RASGRF1: variants seen among roughly 807,000 people sequenced by gnomAD.
The protein encoded by RASGRF1 is Ras protein specific guanine nucleotide releasing factor 1.
In RASGRF1, 40 loss-of-function variants were observed where a neutral mutation model predicts 138.7. The ratio of observed to expected loss-of-function variants is 0.29; its 90% confidence interval spans 0.22 to 0.38. RASGRF1 has a LOEUF of 0.38. RASGRF1 is among the 10% of genes least tolerant of loss of function. RASGRF1 has a pLI of 1.00. For missense variants in RASGRF1, 1,108 were observed against 1,650.4 expected, an observed-to-expected ratio of 0.67 and a Z score of 5.69; for synonymous variants, 614 against 663.2, an observed-to-expected ratio of 0.93 and a Z score of 1.14.
chr15:78,979,237 AG>A, intron 24 of RASGRF1: 1 of 1,209,620 alleles, frequency 8.3e-7, no homozygotes, highest in Non-Finnish European at 1.1e-6. Flanking sequence ...GAGATGGTCA[AG>A]GCGATGGCAC....
intron 3 of RASGRF1, among the ~76,000 whole-genome samples, chr15:79,053,800 C>T (rs1051173398): frequency 6.6e-6 from 1 of 152,166 alleles, no homozygotes; most frequent in Non-Finnish European, 1.5e-5. Flanking sequence ...GCACAGAGCC[C>T]CAGGCTTACA....
At chr15:79,078,812 C>A (rs2057875024) in intron 1 of RASGRF1, among the ~76,000 whole-genome samples, 1 of 152,238 alleles carries the variant, frequency 6.6e-6, no homozygotes, top group African/African-American at 2.4e-5. Context: ...AGGTCTCTGT[C>A]CAGATTCCCA....
At chr15:79,069,159 T>TGCACAG (rs2141073522) in intron 1 of RASGRF1, among the ~76,000 whole-genome samples, 1 of 152,258 alleles carries the variant, frequency 6.6e-6, no homozygotes, top group Admixed American at 6.5e-5. Context: ...TCTAGAACCC[T>TGCACAG]GCACAGAGCC....
chr15:79,086,581 C>T (rs953157445), intron 1 of RASGRF1, among the ~76,000 whole-genome samples: 1 of 151,522 alleles, frequency 6.6e-6, no homozygotes, highest in Admixed American at 6.6e-5. Flanking sequence ...TAAGACCCCC[C>T]CCCCCCAGCT....
chr15:78,978,058 A>C (rs2055909873), intron 24 of RASGRF1, among the ~76,000 whole-genome samples: 1 of 152,068 alleles, frequency 6.6e-6, no homozygotes, highest in Non-Finnish European at 1.5e-5. Context: ...AGGGGCACAC[A>C]TAGTTAGGGC....
At chr15:78,977,749 T>C (rs1596316165) in intron 24 of RASGRF1, among the ~76,000 whole-genome samples, 1 of 152,350 alleles carries the variant, frequency 6.6e-6, no homozygotes, top group Non-Finnish European at 1.5e-5. Flanking sequence ...GTCCCCCGTG[T>C]TCCTCTAAAT....
chr15:79,061,817 G>A (rs1350026626), intron 2 of RASGRF1, among the ~76,000 whole-genome samples: 1 of 152,184 alleles, frequency 6.6e-6, no homozygotes, highest in Non-Finnish European at 1.5e-5. Flanking sequence ...TGATGGACAC[G>A]CTGGCTATTC....
At position 78,973,709 on chromosome 15, in the gene RASGRF1, C is replaced by T. The variant is rs1305912632; in HGVS notation, c.3495-289G>A. On this transcript the variant is annotated intron_variant, in intron 24 of 26. Transcript: ENST00000558480. This position sits in a 1 kb window ranked among gnomAD's most constrained non-coding sequence, Gnocchi z 4.9. ...TTCCTCCCTGAGCCAGAAGGTCCTC[C>T]CCTACCTCTCTGCCTTCTGTCCCAG... Among the ~76,000 whole-genome samples the T allele has an allele frequency of 1.3e-5, 2 of 152,092 alleles. No homozygotes were observed. Among genetic ancestry groups the T allele is most frequent in the Non-Finnish European group, 2.9e-5 (2 of 68,012 alleles).
intron 5 of RASGRF1, among the ~76,000 whole-genome samples, chr15:79,039,552 T>G (rs912249794): frequency 1.3e-5 from 2 of 152,176 alleles, no homozygotes; most frequent in Non-Finnish European, 2.9e-5. Context: ...TAGGCTGCAC[T>G]TTGATTGGTA....
intron 13 of RASGRF1, among the ~76,000 whole-genome samples, chr15:79,007,918 G>C (rs151018271): frequency 6.6e-6 from 1 of 150,378 alleles, no homozygotes; most frequent in Non-Finnish European, 1.5e-5. Flanking sequence ...CACCCAAGCT[G>C]GAGTGCCTCT....
At chr15:78,983,289 T>C (rs1248498526) in intron 23 of RASGRF1, among the ~76,000 whole-genome samples, 1 of 140,922 alleles carries the variant, frequency 7.1e-6, no homozygotes, top group South Asian at 2.3e-4. Flanking sequence ...GGAGATCTCA[T>C]GTGGTGCCAA....
chr15:79,038,406 T>A (rs2057251260), intron 5 of RASGRF1, among the ~76,000 whole-genome samples: 1 of 152,236 alleles, frequency 6.6e-6, no homozygotes, highest in South Asian at 2.1e-4. Context: ...ATTTCTAAGG[T>A]TAAATTTAAA....
Position 79,071,829 on chromosome 15 carries a change from T to C in RASGRF1, c.277-7303A>G, listed in dbSNP as rs77345426. ...ACCAGCTGCAAAGTGGCACCCCATA[T>C]TAGGGCCCCCTAGTTTTCCCTTTCT... is the stretch of plus-strand genomic sequence containing the variant. On this transcript the variant is annotated intron_variant, in intron 1 of 26. Coordinates refer to ENST00000558480, the MANE Select transcript of RASGRF1 (RefSeq NM_001145648.3). 7.5e-3 allele frequency among the ~76,000 whole-genome samples: 1,141 copies of C among 152,228 alleles called. 16 individuals are homozygous for C. The highest frequency in any genetic ancestry group is 0.026 in the African/African-American group (1,086 of 41,526).
intron 1 of RASGRF1, among the ~76,000 whole-genome samples, chr15:79,089,030 G>T (rs2058018206): frequency 6.6e-6 from 1 of 152,208 alleles, no homozygotes; most frequent in East Asian, 1.9e-4. Context: ...CAATTGGGAG[G>T]AAGACTTCAA....
chr15:79,058,625 G>A, intron 2 of RASGRF1, 144 bp from the exon 3 acceptor site: 3 of 1,107,168 alleles, frequency 2.7e-6, no homozygotes, highest in East Asian at 5.2e-5. Context: ...AGAGTGAGAG[G>A]GCTTGGCAGG....
intron 1 of RASGRF1, among the ~76,000 whole-genome samples, chr15:79,078,489 G>C (rs2057870188): frequency 6.6e-6 from 1 of 152,134 alleles, no homozygotes; most frequent in Non-Finnish European, 1.5e-5. Flanking sequence ...CTGCACTTGT[G>C]GGGCCAGCAG....
intron 13 of RASGRF1, among the ~76,000 whole-genome samples, chr15:79,010,545 C>T (rs2056775705): frequency 1.3e-5 from 2 of 152,204 alleles, no homozygotes; most frequent in Non-Finnish European, 2.9e-5. Context: ...CTTGCTATCC[C>T]TGCTAGAAAG....
intron 1 of RASGRF1, among the ~76,000 whole-genome samples, chr15:79,085,960 A>G (rs1175416892): frequency 6.6e-6 from 1 of 152,196 alleles, no homozygotes; most frequent in South Asian, 2.1e-4. Flanking sequence ...CATAGGCGCA[A>G]GGAGCCGATA....
In RASGRF1 at chr15:79,073,775, C is replaced by G. The variant is rs2057793048; in HGVS notation, c.277-9249G>C. On this transcript the variant is annotated intron_variant, in intron 1 of 26. Coordinates refer to ENST00000558480, the MANE Select transcript of RASGRF1 (RefSeq NM_001145648.3). This position sits in a 1 kb window ranked among gnomAD's most constrained non-coding sequence, Gnocchi z 4.2. ...GTTCTTCCAAGAATGTCCCACCACC[C>G]TTACTGCCATGAGAGTCCTTAAAGT... is the stretch of plus-strand genomic sequence containing the variant. Among the ~76,000 whole-genome samples the G allele has an allele frequency of 6.6e-6, 1 of 152,210 alleles. No individual in the cohort carries two copies. The highest frequency in any genetic ancestry group is 2.1e-4 in the South Asian group (1 of 4,832).
Sources: allele counts gnomAD v4.1 joint callset (sites outside exome capture counted in the v4.1 genomes callset), GRCh38; gene constraint gnomAD v4.1.1; non-coding constraint Gnocchi (gnomAD v3.1); transcripts MANE v1.5; gene names NCBI Gene and HGNC (gene_info 2026-07-23, HGNC 2026-07-21).